The following PCDHGB3 variants were observed in gnomAD, a reference collection of about 807,000 sequenced individuals.
PCDHGB3 encodes protocadherin gamma subfamily B, 3.
A neutral mutation model predicts 59.2 loss-of-function variants in PCDHGB3; 40 were observed. That is an observed-to-expected ratio of 0.68 (90% confidence interval 0.52 to 0.88). The LOEUF (loss-of-function observed/expected upper bound fraction) is 0.88. PCDHGB3 is among the 40% of genes least tolerant of loss of function. The pLI, the probability that PCDHGB3 is intolerant of heterozygous loss-of-function variation, is 0.00. For synonymous variants in PCDHGB3, 581 were observed against 503.6 expected, an observed-to-expected ratio of 1.15 and a Z score of -2.06; for missense variants, 1,309 against 1,187.9, an observed-to-expected ratio of 1.10 and a Z score of -1.50.
rs1379023118 is a variant in PCDHGB3, at chr5:141,487,609, G to A, written c.2416-7198G>A. ...GCCCACCCTCTGATCTTCTCTATGG[G>A]CTAGAGGTGAGACCTTTGCAGGCTC... On this transcript the variant is annotated intron_variant, in intron 1 of 3. Transcript: ENST00000576222. The surrounding 1 kb of genome is among the most constrained non-coding windows in gnomAD (Gnocchi z 5.0). 1 of 1,614,202 alleles carries A rather than the reference G, an allele frequency of 6.2e-7. No individual in the cohort carries two copies. The highest frequency in any genetic ancestry group is 1.1e-5 in the South Asian group (1 of 91,084).
chr5:141,481,762 G>A (rs1378950651), intron 1 of PCDHGB3, among the ~76,000 whole-genome samples: 3 of 152,126 alleles, frequency 2.0e-5, no homozygotes, highest in African/African-American at 2.4e-5. Flanking sequence ...GACCAGCCTG[G>A]CCAACATGGT....
chr5:141,410,158 G>A (rs755466762), intron 1 of PCDHGB3: 1 of 1,613,398 alleles, frequency 6.2e-7, no homozygotes, highest in Admixed American at 1.7e-5. Flanking sequence ...GTGGACAGCC[G>A]CCACTCTCTG....
At chr5:141,389,111 C>T (rs752785695) in intron 1 of PCDHGB3, 4 of 1,614,008 alleles carry the variant, frequency 2.5e-6, no homozygotes, top group South Asian at 1.1e-5. Flanking sequence ...CTGTTCTAGA[C>T]CGCGAGCAGA....
intron 1 of PCDHGB3, among the ~76,000 whole-genome samples, chr5:141,464,504 T>A (rs1264652523): frequency 6.6e-6 from 1 of 152,046 alleles, no homozygotes; most frequent in Non-Finnish European, 1.5e-5. Context: ...GATTGCTGCA[T>A]CATAAGGTAA....
intron 1 of PCDHGB3, chr5:141,408,336 C>T: frequency 6.2e-7 from 1 of 1,613,910 alleles, no homozygotes; most frequent in Non-Finnish European, 8.5e-7. Flanking sequence ...GCCAAGGGCT[C>T]GGTGGTGGGG....
intron 1 of PCDHGB3, chr5:141,429,251 A>C (rs2097199889): frequency 6.6e-6 from 1 of 151,884 alleles, no homozygotes; most frequent in Non-Finnish European, 1.5e-5. Context: ...GAGATATTTT[A>C]ATTGAGGAAT....
chr5:141,375,987 G>A, intron 1 of PCDHGB3: 1 of 1,613,458 alleles, frequency 6.2e-7, no homozygotes, highest in Non-Finnish European at 8.5e-7. Context: ...CTGCTGGACA[G>A]AGACGCGCTC....
At chr5:141,384,714 A>T (rs750526941) in intron 1 of PCDHGB3, 7 of 1,614,076 alleles carry the variant, frequency 4.3e-6, no homozygotes, top group Non-Finnish European at 5.9e-6. Context: ...CCTGGCTGTC[A>T]TACCTCCTGC....
chr5:141,431,333 C>G lies in PCDHGB3; in HGVS notation c.2415+58524C>G. 1.2e-6 allele frequency: 2 copies of G among 1,614,058 alleles called. No individual in the cohort carries two copies. The highest frequency in any genetic ancestry group is 2.2e-5 in the South Asian group (2 of 91,088). Reference sequence around the variant, plus strand: ...AAATGGAGCCGACGGTAGTAAGTACCCCGAATTGGTGCTGAAACGCGCCCT... The same window carrying G: ...AAATGGAGCCGACGGTAGTAAGTACGCCGAATTGGTGCTGAAACGCGCCCT... On this transcript the variant is annotated intron_variant, in intron 1 of 3. Coordinates refer to ENST00000576222, the MANE Select transcript of PCDHGB3 (RefSeq NM_018924.5). The surrounding 1 kb of genome is among the most constrained non-coding windows in gnomAD (Gnocchi z 4.8).
Position 141,447,603 on chromosome 5 carries a change from T to G in PCDHGB3, c.2416-47204T>G, listed in dbSNP as rs146950525. On this transcript the variant is annotated intron_variant, in intron 1 of 3. Transcript: ENST00000576222. ...ATACCTTAAACATCCTATAGAGTCC[T>G]TAGCATTTTAAAGTTGAAACCAACA... Among the ~76,000 whole-genome samples, 378 of 152,270 alleles carry G rather than the reference T, an allele frequency of 2.5e-3. 1 individual carries two copies. Among genetic ancestry groups the G allele is most frequent in the Non-Finnish European group, 4.5e-3 (309 of 68,030 alleles).
At chr5:141,389,600 C>T (rs748837518) in intron 1 of PCDHGB3, 28 of 1,613,080 alleles carry the variant, frequency 1.7e-5, no homozygotes, top group Non-Finnish European at 2.3e-5. Flanking sequence ...GCTCTGCGCT[C>T]TTCGATATGG....
rs34752215 is a variant in PCDHGB3 at position 141,427,657 on chromosome 5, A to C, written c.2415+54848A>C. The C allele has an allele frequency of 1.4e-3, 1,030 of 734,210 alleles. 5 individuals carry two copies. Among genetic ancestry groups the C allele is most frequent in the Middle Eastern group, 5.7e-3 (25 of 4,398 alleles). The allele number at this position is 734,210 out of a possible 1,614,324, so 45.5% of individuals were successfully genotyped here. On this transcript the variant is annotated intron_variant, in intron 1 of 3. Coordinates refer to ENST00000576222, the MANE Select transcript of PCDHGB3 (RefSeq NM_018924.5). The stretch of plus-strand genomic sequence containing the variant: ...TTCCACCAAGTCTCCTACGTGGTCC[A>C]CGTGGCCGAAAACAACCTTCCCGGA...
In PCDHGB3 at chr5:141,438,615, TATATATATATATATATATATACAC is replaced by T. The variant is rs1230398483; in HGVS notation, c.2416-56190_2416-56167del. ...ACATATATATATATATATATATATA[TATATATATATATATATATATACAC>T]ACACACACACACATATATGTATATA... is the stretch of plus-strand genomic sequence containing the variant. On this transcript the variant is annotated intron_variant, in intron 1 of 3. Transcript: ENST00000576222. Among the ~76,000 whole-genome samples the T allele has an allele frequency of 3.0e-3, 107 of 35,910 alleles. 2 individuals carry two copies. The highest frequency in any genetic ancestry group is 7.9e-3 in the African/African-American group (39 of 4,916). The allele number at this position is 35,910 out of a possible 152,430, so 23.6% of individuals were successfully genotyped here. A position where few individuals can be genotyped will look rare whatever the true frequency, so the allele number is the denominator to read the frequency against.
intron 1 of PCDHGB3, among the ~76,000 whole-genome samples, chr5:141,438,633 TATACACAC>T (rs1401551511): frequency 0.055 from 1,851 of 33,458 alleles, 10 homozygotes; most frequent in African/African-American, 0.082. Flanking sequence ...TATATATATA[TATACACAC>T]ACACACACAC....
intron 1 of PCDHGB3, 62 bp from the exon 2 acceptor site, chr5:141,494,745 G>T: frequency 1.2e-6 from 2 of 1,612,802 alleles, no homozygotes; most frequent in African/African-American, 1.3e-5. Context: ...ATCCCTAGGG[G>T]CTCGGGTGAC....
At position 141,486,092 on chromosome 5, in the gene PCDHGB3, C is replaced by T. The variant is rs2099624294; in HGVS notation, c.2416-8715C>T. The T allele has an allele frequency of 3.7e-6, 6 of 1,614,148 alleles. No homozygotes were observed. In the East Asian group the frequency reaches 1.3e-4, roughly 36 times the overall value. On this transcript the variant is annotated intron_variant, in intron 1 of 3. Coordinates refer to ENST00000576222, the MANE Select transcript of PCDHGB3 (RefSeq NM_018924.5). This position sits in a 1 kb window ranked among gnomAD's most constrained non-coding sequence, Gnocchi z 5.0. Reference sequence around the variant, plus strand: ...TACTGGAAAGCTTACTCTTTTGGGGCCCCTAGACTTTGAGAGTGAGAATTA... The same window carrying T: ...TACTGGAAAGCTTACTCTTTTGGGGTCCCTAGACTTTGAGAGTGAGAATTA...
intron 1 of PCDHGB3, chr5:141,395,075 C>A: frequency 6.2e-7 from 1 of 1,614,124 alleles, no homozygotes; most frequent in Non-Finnish European, 8.5e-7. Context: ...AGACCTATTC[C>A]CAGGAAGTCT....
intron 1 of PCDHGB3, chr5:141,395,133 A>G (rs760451747): frequency 1.2e-6 from 2 of 1,614,192 alleles, no homozygotes; most frequent in Non-Finnish European, 8.5e-7. Context: ...TCCCCAGCCC[A>G]ACTACGCAGA....
chr5:141,415,837 A>G (rs1232795581), intron 1 of PCDHGB3: 1 of 1,272,340 alleles, frequency 7.9e-7, no homozygotes, highest in Admixed American at 4.0e-5. Flanking sequence ...TGTTATGATT[A>G]GCTTTGCAGA....
Sources: gnomAD v4.1 joint callset for allele counts (sites outside exome capture counted in the v4.1 genomes callset) on GRCh38, gnomAD v4.1.1 for gene constraint, Gnocchi (gnomAD v3.1) non-coding constraint, MANE v1.5 for transcripts, NCBI Gene and HGNC (gene_info 2026-07-23, HGNC 2026-07-21) for gene names.